SEMA3A: variants seen among roughly 807,000 people sequenced by gnomAD.
SEMA3A encodes semaphorin-3A.
A neutral mutation model predicts 97.9 loss-of-function variants in SEMA3A; 29 were observed. The observed-to-expected ratio is 0.30, with a 90% CI of 0.22 to 0.40. The LOEUF (loss-of-function observed/expected upper bound fraction) is 0.40. Among genes scored for constraint, SEMA3A ranks in the 10% least tolerant of loss-of-function variants. SEMA3A has a pLI of 1.00. For synonymous variants in SEMA3A, 321 were observed against 323.7 expected, an observed-to-expected ratio of 0.99 and a Z score of 0.09; for missense variants, 763 against 951.3, an observed-to-expected ratio of 0.80 and a Z score of 2.60.
intron 15 of SEMA3A, among the ~76,000 whole-genome samples, chr7:83,975,975 T>C (rs1246702547): frequency 6.6e-6 from 1 of 152,152 alleles, no homozygotes; most frequent in Non-Finnish European, 1.5e-5. Flanking sequence ...TGTGGTCTCT[T>C]TCTTATTTAT....
chr7:84,036,648 CAA>C (rs1177732676), intron 6 of SEMA3A, among the ~76,000 whole-genome samples: 1 of 151,904 alleles, frequency 6.6e-6, no homozygotes, highest in Non-Finnish European at 1.5e-5. Flanking sequence ...TAAAAAGAAA[CAA>C]ATTGATAAAC....
intron 1 of SEMA3A, among the ~76,000 whole-genome samples, chr7:84,431,785 A>G (rs1192524769): frequency 6.6e-6 from 1 of 152,062 alleles, no homozygotes; most frequent in Admixed American, 6.6e-5. Flanking sequence ...TTTACATTAC[A>G]AAGATTCAAA....
chr7:84,301,436 A>G (rs1801014648), intron 3 of SEMA3A, among the ~76,000 whole-genome samples: 1 of 152,160 alleles, frequency 6.6e-6, no homozygotes. Flanking sequence ...AGTTTTGAAT[A>G]GGTACTTAAG....
chr7:84,487,412 A>C (rs1473314108), intron 1 of SEMA3A, among the ~76,000 whole-genome samples: 1 of 152,108 alleles, frequency 6.6e-6, no homozygotes, highest in Non-Finnish European at 1.5e-5. Flanking sequence ...GTCCGCCAGC[A>C]ATGTCTAGGT....
intron 3 of SEMA3A, among the ~76,000 whole-genome samples, chr7:84,255,655 G>A (rs1319051803): frequency 2.0e-5 from 3 of 152,008 alleles, no homozygotes; most frequent in African/African-American, 7.2e-5. Context: ...TCCATTGATT[G>A]CAAAAGTCTT....
At chr7:84,187,967 C>T (rs1797934647) in intron 1 of SEMA3A, among the ~76,000 whole-genome samples, 1 of 152,034 alleles carries the variant, frequency 6.6e-6, no homozygotes, top group Non-Finnish European at 1.5e-5. Flanking sequence ...AATGAAACTT[C>T]ATTTGGCTTG....
At chr7:84,229,360 T>C in intron 3 of SEMA3A, among the ~76,000 whole-genome samples, 1 of 152,216 alleles carries the variant, frequency 6.6e-6, no homozygotes. Context: ...ATTTCATACA[T>C]AGAGTGAGTG....
chr7:84,032,373 A>C (rs1791793174), intron 6 of SEMA3A, among the ~76,000 whole-genome samples: 1 of 152,186 alleles, frequency 6.6e-6, no homozygotes, highest in Non-Finnish European at 1.5e-5. Flanking sequence ...TGATTGCTAC[A>C]CAAGAGGAGC....
chr7:84,001,875 T>A (rs1790467638), intron 12 of SEMA3A, 80 bp downstream of exon 12: 1 of 918,156 alleles, frequency 1.1e-6, no homozygotes, highest in Admixed American at 2.1e-5. Context: ...TACTTGTCCA[T>A]ACCAAGTTCA....
At chr7:84,294,435 A>G (rs1427548371) in intron 3 of SEMA3A, among the ~76,000 whole-genome samples, 1 of 152,010 alleles carries the variant, frequency 6.6e-6, no homozygotes, top group Non-Finnish European at 1.5e-5. Context: ...CCTTATTTAT[A>G]TGATTTGCTC....
intron 1 of SEMA3A, among the ~76,000 whole-genome samples, chr7:84,185,737 T>C (rs1441723504): frequency 4.8e-5 from 7 of 147,116 alleles, no homozygotes; most frequent in African/African-American, 1.5e-4. Context: ...GAGTTAATTC[T>C]AAAAACATGA....
chr7:84,256,327 C>T (rs74774570), intron 3 of SEMA3A, among the ~76,000 whole-genome samples: 6,873 of 152,024 alleles, frequency 0.045, 535 homozygotes, highest in African/African-American at 0.16. Flanking sequence ...TTGTCTCTAA[C>T]TCATTTATCT....
intron 3 of SEMA3A, among the ~76,000 whole-genome samples, chr7:84,266,313 C>T (rs573540622): frequency 0.016 from 1,124 of 70,610 alleles, 117 homozygotes; most frequent in African/African-American, 0.061. Flanking sequence ...GATTTGGTCT[C>T]AAAAAAAAAA....
intron 2 of SEMA3A, among the ~76,000 whole-genome samples, chr7:84,130,889 A>T (rs1048586727): frequency 2.6e-5 from 4 of 152,058 alleles, no homozygotes; most frequent in Non-Finnish European, 5.9e-5. Flanking sequence ...CAAAAGTTAC[A>T]ATATAAAAAT....
chr7:84,347,045 C>A (rs778812100), intron 2 of SEMA3A, among the ~76,000 whole-genome samples: 1 of 152,088 alleles, frequency 6.6e-6, no homozygotes, highest in Non-Finnish European at 1.5e-5. Context: ...GCTAATAACA[C>A]CAAGTGTTTA....
intron 4 of SEMA3A, among the ~76,000 whole-genome samples, chr7:84,070,311 G>T (rs1050538973): frequency 6.6e-6 from 1 of 152,092 alleles, no homozygotes; most frequent in Non-Finnish European, 1.5e-5. Context: ...TGGATTTCCT[G>T]AATGTTATTA....
intron 1 of SEMA3A, among the ~76,000 whole-genome samples, chr7:84,156,767 G>T (rs1796858738): frequency 6.6e-6 from 1 of 152,060 alleles, no homozygotes; most frequent in Non-Finnish European, 1.5e-5. Context: ...TTGAACGAAA[G>T]TCAAAGTCCT....
intron 1 of SEMA3A, among the ~76,000 whole-genome samples, chr7:84,404,581 A>T (rs2116225884): frequency 6.6e-6 from 1 of 152,296 alleles, no homozygotes; most frequent in South Asian, 2.1e-4. Context: ...CAACTCCAAG[A>T]CACATAATTG....
At chr7:84,150,871 C>T (rs1413090808) in intron 1 of SEMA3A, among the ~76,000 whole-genome samples, 2 of 151,454 alleles carry the variant, frequency 1.3e-5, no homozygotes, top group East Asian at 3.9e-4. Context: ...CAGTGGTTCT[C>T]CCAGCACGCA....
Sources: allele counts gnomAD v4.1 joint callset (sites outside exome capture counted in the v4.1 genomes callset), GRCh38; gene constraint gnomAD v4.1.1; transcripts MANE v1.5; gene names NCBI Gene and HGNC (gene_info 2026-07-23, HGNC 2026-07-21).